Variants in TENM2 observed in about 807,000 individuals in gnomAD.
The protein encoded by TENM2 is teneurin transmembrane protein 2, also known as teneurin-2.
A neutral mutation model predicts 245.2 loss-of-function variants in TENM2; 52 were observed. The observed-to-expected ratio is 0.21, with a 90% CI of 0.17 to 0.27. The LOEUF (loss-of-function observed/expected upper bound fraction) is 0.27, where lower values mean the gene tolerates loss of function less well. TENM2 is among the 10% of genes least tolerant of loss of function. TENM2 has a pLI of 1.00. For synonymous variants in TENM2, 1,363 were observed against 1,438.9 expected (o/e 0.95, Z 1.19); for missense variants, 3,046 against 3,666.8 (o/e 0.83, Z 4.37).
chr5:168,254,588 G>A (rs184846979), intron 27 of TENM2, among the ~76,000 whole-genome samples: 66 of 152,206 alleles, frequency 4.3e-4, no homozygotes, highest in Admixed American at 3.9e-3. Context: ...AGAACTACAA[G>A]AACTAGGACA....
At chr5:167,187,459 T>C in the TENM2 span, among the ~76,000 whole-genome samples, 4 of 152,194 alleles carry the variant, frequency 2.6e-5, no homozygotes, top group Non-Finnish European at 5.9e-5. Context: ...TGATCTTGCA[T>C]CTTAGCTTTA....
the TENM2 span, among the ~76,000 whole-genome samples, chr5:167,043,544 C>G: frequency 6.6e-6 from 1 of 152,192 alleles, no homozygotes; most frequent in East Asian, 1.9e-4. Context: ...GTGCATCATG[C>G]TCGGGATACC....
chr5:167,099,725 AAC>A, the TENM2 span, among the ~76,000 whole-genome samples: 1 of 152,112 alleles, frequency 6.6e-6, no homozygotes, highest in Non-Finnish European at 1.5e-5. Flanking sequence ...CAAAAACAAA[AAC>A]AAAACTAAGT....
intron 2 of TENM2, among the ~76,000 whole-genome samples, chr5:167,502,090 T>G (rs1167855329): frequency 6.6e-6 from 1 of 152,140 alleles, no homozygotes; most frequent in African/African-American, 2.4e-5. Context: ...AAATATTTCA[T>G]TTTGACATGA....
intron 2 of TENM2, among the ~76,000 whole-genome samples, chr5:167,830,163 G>T (rs1375695796): frequency 1.3e-5 from 2 of 152,166 alleles, no homozygotes; most frequent in Admixed American, 6.5e-5. Flanking sequence ...ATGGGCAGAT[G>T]GGTGCTATCT....
chr5:167,684,225 C>T (rs375797123), intron 2 of TENM2, among the ~76,000 whole-genome samples: 16 of 152,340 alleles, frequency 1.1e-4, no homozygotes, highest in Middle Eastern at 3.4e-3. Flanking sequence ...CTTGCCTACC[C>T]ATCCCAACTG....
chr5:167,546,647 T>A (rs1462372616), intron 2 of TENM2, among the ~76,000 whole-genome samples: 1 of 152,126 alleles, frequency 6.6e-6, no homozygotes, highest in African/African-American at 2.4e-5. Flanking sequence ...TGCCTGCATT[T>A]GATAGTCTCA....
chr5:167,702,552 G>GTATATATATATATATATATATATA (rs374895330), intron 2 of TENM2, among the ~76,000 whole-genome samples: 6 of 136,780 alleles, frequency 4.4e-5, no homozygotes, highest in Non-Finnish European at 9.2e-5. Context: ...GTGTGTGTGT[G>GTATATATATATATATATATATATA]TATATATATA....
chr5:167,851,141 T>A (rs1459161806), intron 2 of TENM2, among the ~76,000 whole-genome samples: 1 of 151,996 alleles, frequency 6.6e-6, no homozygotes, highest in Admixed American at 6.6e-5. Context: ...TTATGTTGAT[T>A]GGAGTAAGTG....
intron 3 of TENM2, among the ~76,000 whole-genome samples, chr5:167,899,125 T>G (rs1775480104): frequency 1.3e-5 from 2 of 151,998 alleles, no homozygotes; most frequent in African/African-American, 4.8e-5. Context: ...ATTCCATTAC[T>G]GAAAGAAGAG....
At chr5:167,420,845 T>A (rs556856804) in intron 2 of TENM2, among the ~76,000 whole-genome samples, 1 of 152,338 alleles carries the variant, frequency 6.6e-6, no homozygotes, top group Non-Finnish European at 1.5e-5. Flanking sequence ...TTGTTTTGCT[T>A]ACTAATATAC....
chr5:167,217,186 T>A, the TENM2 span, among the ~76,000 whole-genome samples: 1 of 152,140 alleles, frequency 6.6e-6, no homozygotes, highest in Non-Finnish European at 1.5e-5. Context: ...GAGTTCCTAA[T>A]ATATTTGCCT....
chr5:168,107,675 T>G (rs925790624), intron 9 of TENM2, among the ~76,000 whole-genome samples: 1 of 152,156 alleles, frequency 6.6e-6, no homozygotes, highest in Non-Finnish European at 1.5e-5. Context: ...CACCTCCCAC[T>G]GAGGCCTGAA....
intron 2 of TENM2, among the ~76,000 whole-genome samples, chr5:167,491,531 A>G (rs1768427152): frequency 1.3e-5 from 2 of 152,274 alleles, no homozygotes; most frequent in South Asian, 2.1e-4. Flanking sequence ...CTAATGACCC[A>G]CTGTCCACAG....
At chr5:167,579,262 T>G (rs1230049869) in intron 2 of TENM2, among the ~76,000 whole-genome samples, 1 of 152,216 alleles carries the variant, frequency 6.6e-6, no homozygotes, top group Non-Finnish European at 1.5e-5. Context: ...TGAATGTAGC[T>G]GGATTTTCTT....
At chr5:167,231,172 A>C in the TENM2 span, among the ~76,000 whole-genome samples, 1 of 152,198 alleles carries the variant, frequency 6.6e-6, no homozygotes, top group Non-Finnish European at 1.5e-5. Context: ...TGGCAGCATG[A>C]GAATGGAATA....
chr5:167,798,079 A>G (rs769342193), intron 2 of TENM2, among the ~76,000 whole-genome samples: 4 of 152,244 alleles, frequency 2.6e-5, no homozygotes, highest in Non-Finnish European at 5.9e-5. Flanking sequence ...ACTCATCCTG[A>G]TAGTCCTCTT....
chr5:168,095,583 T>G (rs1793297852), intron 8 of TENM2, among the ~76,000 whole-genome samples: 1 of 152,182 alleles, frequency 6.6e-6, no homozygotes, highest in Non-Finnish European at 1.5e-5. Flanking sequence ...AATTTGTTTG[T>G]TTTTTTAGCT....
chr5:168,061,538 T>C (rs929291784), intron 6 of TENM2, among the ~76,000 whole-genome samples: 7 of 152,234 alleles, frequency 4.6e-5, no homozygotes, highest in African/African-American at 1.4e-4. Flanking sequence ...TCTCTGCGGC[T>C]CTTAGACTTC....
Sources: allele counts gnomAD v4.1 joint callset (sites outside exome capture counted in the v4.1 genomes callset), GRCh38; gene constraint gnomAD v4.1.1; transcripts MANE v1.5; gene names NCBI Gene and HGNC (gene_info 2026-07-23, HGNC 2026-07-21).